TEX29: variants seen among roughly 807,000 people sequenced by gnomAD.
TEX29 encodes testis-expressed protein 29.
TEX29 carries 26 observed loss-of-function variants against 18.2 expected under a neutral mutation model. The observed-to-expected ratio is 1.43, with a 90% confidence interval of 1.04 to 1.98. TEX29 has a LOEUF of 1.98. Among genes scored for constraint, TEX29 ranks in the 30% most tolerant of loss-of-function variants. The pLI is 0.00. For synonymous variants in TEX29, 83 were observed against 78.5 expected, an observed-to-expected ratio of 1.06 and a Z score of -0.31; for missense variants, 177 against 194.2, an observed-to-expected ratio of 0.91 and a Z score of 0.53.
intron 3 of TEX29, among the ~76,000 whole-genome samples, chr13:111,335,680 C>G (rs1875202169): frequency 6.6e-6 from 1 of 152,230 alleles, no homozygotes; most frequent in Non-Finnish European, 1.5e-5. Context: ...CCATGTAAGG[C>G]TCCTGAAAGT....
chr13:111,322,247 C>T (rs2093665973), intron 2 of TEX29, among the ~76,000 whole-genome samples: 1 of 152,232 alleles, frequency 6.6e-6, no homozygotes, highest in African/African-American at 2.4e-5. Flanking sequence ...TTGCAGTTCC[C>T]TATCCAGATG....
At chr13:111,330,551 C>A (rs72653601) in intron 3 of TEX29, among the ~76,000 whole-genome samples, 4 of 152,130 alleles carry the variant, frequency 2.6e-5, no homozygotes, top group Admixed American at 2.6e-4. Flanking sequence ...CAGATAAAAT[C>A]GGTTGGAAAT....
intron 2 of TEX29, among the ~76,000 whole-genome samples, chr13:111,326,489 GTCTGGTGGGGTGGAGGAGA>G (rs1567159768): frequency 4.7e-5 from 7 of 148,388 alleles, no homozygotes; most frequent in Admixed American, 2.7e-4. Context: ...GTGCGAGCCT[GTCTGGTGGGGTGGAGGAGA>G]CCACGGGCAG....
chr13:111,325,975 G>A (rs2093672190), intron 2 of TEX29, among the ~76,000 whole-genome samples: 1 of 152,248 alleles, frequency 6.6e-6, no homozygotes. Flanking sequence ...GTGAGCAGAT[G>A]CCTCTGTGCT....
chr13:111,340,270 CCG>C (rs1468583130), intron 4 of TEX29, among the ~76,000 whole-genome samples: 1 of 77,900 alleles, frequency 1.3e-5, no homozygotes, highest in African/African-American at 6.0e-5. Flanking sequence ...AAATCATAAC[CCG>C]TGTTTAGTGA....
intron 4 of TEX29, among the ~76,000 whole-genome samples, chr13:111,341,856 C>G (rs921702711): frequency 3.3e-5 from 5 of 152,382 alleles, no homozygotes; most frequent in African/African-American, 9.6e-5. Flanking sequence ...TGTAAGTGAA[C>G]TTACTGTCCC....
At chr13:111,343,802 T>C (rs554443405) in intron 5 of TEX29, among the ~76,000 whole-genome samples, 1 of 152,286 alleles carries the variant, frequency 6.6e-6, no homozygotes, top group East Asian at 1.9e-4. Flanking sequence ...GGCCCCTAAC[T>C]GAGGCTGCGT....
chr13:111,323,748 C>T (rs2093668482), intron 2 of TEX29, among the ~76,000 whole-genome samples: 2 of 151,988 alleles, frequency 1.3e-5, no homozygotes, highest in South Asian at 4.2e-4. Flanking sequence ...CCTGCACGCC[C>T]CAGATCCCCA....
intron 2 of TEX29, among the ~76,000 whole-genome samples, chr13:111,326,382 C>G (rs1435570242): frequency 1.3e-5 from 2 of 148,790 alleles, no homozygotes; most frequent in African/African-American, 5.0e-5. Context: ...GAGGAGACCG[C>G]GGGCAGCGTG....
At chr13:111,340,088 C>A (rs553227303) in intron 4 of TEX29, among the ~76,000 whole-genome samples, 156 bp downstream of exon 4, 1 of 152,144 alleles carries the variant, frequency 6.6e-6, no homozygotes, top group African/African-American at 2.4e-5. Flanking sequence ...TGGCCAGGCT[C>A]ACGGAGGGCC....
chr13:111,328,315 C>T (rs1252403899), intron 3 of TEX29, 22 bp downstream of exon 3: 1 of 1,562,046 alleles, frequency 6.4e-7, no homozygotes, highest in Non-Finnish European at 8.8e-7. Flanking sequence ...CCCCGGCCAC[C>T]CCGTGGCGGA....
upstream of TEX29, among the ~76,000 whole-genome samples, chr13:111,317,679 C>T (rs909959266): frequency 5.3e-5 from 8 of 152,242 alleles, no homozygotes; most frequent in Non-Finnish European, 7.3e-5. Context: ...ACCGACATGG[C>T]GCCAACAGCA....
upstream of TEX29, among the ~76,000 whole-genome samples, chr13:111,319,238 G>GA (rs2093659635): frequency 6.6e-6 from 1 of 152,168 alleles, no homozygotes; most frequent in African/African-American, 2.4e-5. Flanking sequence ...AAGGATAAGT[G>GA]AAAATCTACG....
chr13:111,321,043 G>C, intron 2 of TEX29, 95 bp downstream of exon 2: 1 of 1,418,038 alleles, frequency 7.1e-7, no homozygotes, highest in Non-Finnish European at 9.7e-7. Context: ...CGCGGACAGG[G>C]GGTCCTGGTC....
chr13:111,342,340 G>A (rs2093697850), intron 4 of TEX29, among the ~76,000 whole-genome samples: 2 of 152,100 alleles, frequency 1.3e-5, no homozygotes, highest in African/African-American at 2.4e-5. Flanking sequence ...CCCCCTGCCC[G>A]GAGCTGTCTT....
intron 3 of TEX29, among the ~76,000 whole-genome samples, chr13:111,336,406 T>A (rs763360165): frequency 1.3e-5 from 2 of 152,254 alleles, no homozygotes; most frequent in Non-Finnish European, 2.9e-5. Context: ...GTGCACATAA[T>A]TCCATGTTAT....
upstream of TEX29, among the ~76,000 whole-genome samples, chr13:111,319,294 A>G (rs1313260496): frequency 1.3e-5 from 2 of 152,220 alleles, no homozygotes; most frequent in Non-Finnish European, 2.9e-5. Flanking sequence ...CATTATTCAT[A>G]AAAGCCAAAA....
intron 3 of TEX29, among the ~76,000 whole-genome samples, chr13:111,332,558 TACAATGATGA>T (rs1423903987): frequency 6.6e-6 from 1 of 152,164 alleles, no homozygotes; most frequent in African/African-American, 2.4e-5. Context: ...AAACCTCCAG[TACAATGATGA>T]ATAGAACTAG....
intron 2 of TEX29, among the ~76,000 whole-genome samples, chr13:111,322,845 C>A (rs2093666964): frequency 6.6e-6 from 1 of 152,112 alleles, no homozygotes; most frequent in East Asian, 1.9e-4. Flanking sequence ...AGGTCAGGGT[C>A]TTCCTGGCTT....
Sources: allele counts gnomAD v4.1 joint callset (sites outside exome capture counted in the v4.1 genomes callset), GRCh38; gene constraint gnomAD v4.1.1; transcripts MANE v1.5; gene names NCBI Gene and HGNC (gene_info 2026-07-23, HGNC 2026-07-21).